SNX29: variants seen among roughly 807,000 people sequenced by gnomAD.
SNX29 encodes the protein sorting nexin-29.
In SNX29, 78 loss-of-function variants were observed where a neutral mutation model predicts 102.1. The observed-to-expected ratio is 0.76, with a 90% CI of 0.64 to 0.92. SNX29 has a LOEUF of 0.92. Ranked by LOEUF, SNX29 falls within the 40% of genes least tolerant of loss-of-function variation. The probability of loss-of-function intolerance (pLI) is 0.00; values close to 1 mark genes in which losing one functional copy is unlikely to be tolerated. For synonymous variants in SNX29, 580 were observed against 414.5 expected (o/e 1.40, Z -4.85); for missense variants, 1,280 against 1,061.7 (o/e 1.21, Z -2.86).
intron 14 of SNX29, among the ~76,000 whole-genome samples, chr16:12,237,737 G>C (rs112851326): frequency 1.3e-5 from 2 of 151,900 alleles, no homozygotes; most frequent in African/African-American, 2.4e-5. Context: ...TGAAACCCCC[G>C]TCTCTACTAA....
intron 11 of SNX29, chr16:12,088,301 T>C (rs1596833837): frequency 2.5e-5 from 9 of 359,016 alleles, no homozygotes; most frequent in South Asian, 1.7e-4. Flanking sequence ...TGGGTGGGTG[T>C]TTTCATGTTG....
chr16:12,076,106 C>T (rs963829359), intron 10 of SNX29, among the ~76,000 whole-genome samples: 72 of 152,296 alleles, frequency 4.7e-4, no homozygotes, highest in Non-Finnish European at 9.7e-4. Flanking sequence ...ACTCCCTGAC[C>T]CCTTGCGCTT....
At chr16:12,128,532 A>G (rs1331705100) in intron 12 of SNX29, among the ~76,000 whole-genome samples, 1 of 141,326 alleles carries the variant, frequency 7.1e-6, no homozygotes, top group Non-Finnish European at 1.5e-5. Flanking sequence ...GGCTCACTGC[A>G]ACCTCTGCCT....
intron 20 of SNX29, among the ~76,000 whole-genome samples, chr16:12,539,145 T>C (rs1198225208): frequency 6.6e-6 from 1 of 152,178 alleles, no homozygotes; most frequent in African/African-American, 2.4e-5. Context: ...CACAGTGCAA[T>C]TGACTTTTGC....
At chr16:12,388,787 T>C (rs999605987) in intron 16 of SNX29, among the ~76,000 whole-genome samples, 1 of 152,170 alleles carries the variant, frequency 6.6e-6, no homozygotes, top group Admixed American at 6.5e-5. Context: ...AATGCAAAAA[T>C]GAATGAGAGT....
intron 14 of SNX29, among the ~76,000 whole-genome samples, chr16:12,267,057 G>A (rs575206503): frequency 5.9e-5 from 9 of 152,186 alleles, no homozygotes; most frequent in Non-Finnish European, 1.2e-4. Context: ...ACTCTGCGCA[G>A]CCCAGTCTGT....
chr16:12,183,815 G>A (rs1423705413), intron 13 of SNX29, among the ~76,000 whole-genome samples: 1 of 152,154 alleles, frequency 6.6e-6, no homozygotes, highest in East Asian at 1.9e-4. Context: ...TAAAGAAGCC[G>A]GCTGAATCCC....
chr16:12,572,349 T>C lies in SNX29; in HGVS notation c.*3720T>C, dbSNP rs933246425. On this transcript the variant is annotated 3_prime_UTR_variant, in exon 21 of 21. Coordinates refer to ENST00000566228, the MANE Select transcript of SNX29 (RefSeq NM_032167.5). Reference sequence around the variant, plus strand: ...GAAGCCCACCAGCCTGCCTGGTTGATGGACAGCAGGCTCTGCCTTCTGGAG... The same window carrying C: ...GAAGCCCACCAGCCTGCCTGGTTGACGGACAGCAGGCTCTGCCTTCTGGAG... 3.8e-6 allele frequency: 4 copies of C among 1,062,960 alleles called. No individual in the cohort carries two copies. Among genetic ancestry groups the C allele is most frequent in the East Asian group, 5.0e-5 (1 of 19,816 alleles). 65.8% of individuals were successfully genotyped at this position (1,062,960 alleles called of 1,614,324 possible). A position where few individuals can be genotyped will look rare whatever the true frequency, so the allele number is the denominator to read the frequency against.
intron 15 of SNX29, among the ~76,000 whole-genome samples, chr16:12,309,284 T>G (rs535188753): frequency 2.6e-5 from 4 of 152,196 alleles, no homozygotes; most frequent in South Asian, 4.1e-4. Context: ...GGTGCTCAAG[T>G]TGGGGAGATG....
intron 20 of SNX29, among the ~76,000 whole-genome samples, chr16:12,534,765 G>A (rs905151166): frequency 2.1e-4 from 32 of 152,146 alleles, no homozygotes; most frequent in African/African-American, 6.3e-4. Flanking sequence ...TTCTTTCTGC[G>A]TCTACCCCTC....
chr16:12,499,604 A>C (rs939198920), intron 19 of SNX29, among the ~76,000 whole-genome samples: 1 of 152,228 alleles, frequency 6.6e-6, no homozygotes, highest in Non-Finnish European at 1.5e-5. Context: ...GCATATTCAC[A>C]GGATCAGACC....
intron 14 of SNX29, among the ~76,000 whole-genome samples, chr16:12,207,655 T>C (rs2077079621): frequency 6.6e-6 from 1 of 152,122 alleles, no homozygotes; most frequent in Non-Finnish European, 1.5e-5. Context: ...TCTCCTTTCC[T>C]AGAAACTCCG....
At chr16:12,401,583 C>G (rs1222038229) in intron 17 of SNX29, among the ~76,000 whole-genome samples, 1 of 151,846 alleles carries the variant, frequency 6.6e-6, no homozygotes, top group Non-Finnish European at 1.5e-5. Context: ...AGGCTGGTCT[C>G]GAACTCCTGA....
Position 12,568,895 on chromosome 16 carries a change from C to T in SNX29, c.*266C>T, listed in dbSNP as rs1187450252. 3 of 502,804 alleles carry T rather than the reference C, an allele frequency of 6.0e-6. No individual in the cohort carries two copies. The highest frequency in any genetic ancestry group is 2.8e-5 in the South Asian group (1 of 35,372). 31.1% of individuals were successfully genotyped at this position (502,804 alleles called of 1,614,324 possible). A position where few individuals can be genotyped will look rare whatever the true frequency, so the allele number is the denominator to read the frequency against. ...TGCTTCTGGGGTCTACCCTGGGCTG[C>T]AAGGGCTGTTCCTCCACCTTTCTGT... On this transcript the variant is annotated 3_prime_UTR_variant, in exon 21 of 21. Transcript: ENST00000566228.
chr16:12,245,648 C>CA (rs1567352456), intron 14 of SNX29, among the ~76,000 whole-genome samples: 1 of 152,040 alleles, frequency 6.6e-6, no homozygotes, highest in Non-Finnish European at 1.5e-5. Flanking sequence ...CCCTTGCTAC[C>CA]ACTCCTCCTC....
chr16:12,372,160 C>T (rs113208003), intron 16 of SNX29, among the ~76,000 whole-genome samples: 327 of 152,300 alleles, frequency 2.1e-3, no homozygotes, highest in South Asian at 4.6e-3. Context: ...ACATGCCTAA[C>T]GCACATCTAT....
chr16:12,553,391 A>T (rs114271014), intron 20 of SNX29, among the ~76,000 whole-genome samples: 2,345 of 152,268 alleles, frequency 0.015, 55 homozygotes, highest in African/African-American at 0.053. Context: ...AGTTGAACAT[A>T]TAAGTAGTTC....
At chr16:12,207,001 A>C (rs990460215) in intron 14 of SNX29, among the ~76,000 whole-genome samples, 2 of 152,066 alleles carry the variant, frequency 1.3e-5, no homozygotes, top group African/African-American at 4.8e-5. Context: ...AAATTAATCA[A>C]GGTGCACTTT....
At chr16:12,092,137 G>A (rs942810021) in intron 11 of SNX29, among the ~76,000 whole-genome samples, 1 of 152,076 alleles carries the variant, frequency 6.6e-6, no homozygotes, top group East Asian at 1.9e-4. Context: ...AGAGCCCCCT[G>A]TAACCTCACT....
Sources: gnomAD v4.1 joint callset for allele counts (sites outside exome capture counted in the v4.1 genomes callset) on GRCh38, gnomAD v4.1.1 for gene constraint, MANE v1.5 for transcripts, NCBI Gene and HGNC (gene_info 2026-07-23, HGNC 2026-07-21) for gene names.